The following CFAP61 variants were observed in gnomAD, a reference collection of about 807,000 sequenced individuals.
CFAP61 encodes the protein cilia- and flagella-associated protein 61.
Under a neutral mutation model 135.6 loss-of-function variants are expected in CFAP61, and 107 were observed. The ratio of observed to expected loss-of-function variants is 0.79; its 90% CI spans 0.67 to 0.93. The LOEUF (loss-of-function observed/expected upper bound fraction) is 0.93, where lower values mean the gene tolerates loss of function less well. Ranked by LOEUF, CFAP61 falls within the 40% of genes least tolerant of loss-of-function variation. The pLI is 0.00. For missense variants in CFAP61, 1,507 were observed against 1,556.2 expected (o/e 0.97, Z 0.53); for synonymous variants, 575 against 578.5 (o/e 0.99, Z 0.09).
At chr20:20,232,437 C>T (rs6046745) in intron 18 of CFAP61, among the ~76,000 whole-genome samples, 3,212 of 152,070 alleles carry the variant, frequency 0.021, 111 homozygotes, top group African/African-American at 0.072. Context: ...GTGTATGCAC[C>T]TCTCTTCTGT....
rs188228060 is a variant in CFAP61, at chr20:20,323,211, A to G, written c.3423-18620A>G. 12 of 984,936 alleles carry G rather than the reference A, an allele frequency of 1.2e-5. No individual in the cohort carries two copies. The East Asian group carries it at 1.1e-3, about 93-fold the overall frequency. The allele number at this position is 984,936 out of a possible 1,614,324, so 61.0% of individuals were successfully genotyped here. On this transcript the variant is annotated intron_variant, in intron 25 of 26. Transcript: ENST00000245957. Reference sequence around the variant, plus strand: ...GGGCCCCATGGAATAAACGGATCTCATTCAGCATGGGCATGAAAGGCACTG... The same window carrying G: ...GGGCCCCATGGAATAAACGGATCTCGTTCAGCATGGGCATGAAAGGCACTG...
In CFAP61 at chr20:20,227,429, G is replaced by A. The variant is rs1049289922; in HGVS notation, c.1933-820G>A. ...ACCAAAAAATGTGTGTTGAATCAAT[G>A]GATTAAAAATAGAACCAAGATCTTT... On this transcript the variant is annotated intron_variant, in intron 17 of 26. Coordinates refer to ENST00000245957, the MANE Select transcript of CFAP61 (RefSeq NM_015585.4). Among the ~76,000 whole-genome samples, 3 of 152,158 alleles carry A rather than the reference G, an allele frequency of 2.0e-5. 1 individual carries two copies. The highest frequency in any genetic ancestry group is 7.2e-5 in the African/African-American group (3 of 41,440).
intron 25 of CFAP61, among the ~76,000 whole-genome samples, chr20:20,302,219 A>C (rs1469835719): frequency 6.6e-6 from 1 of 152,176 alleles, no homozygotes; most frequent in African/African-American, 2.4e-5. Flanking sequence ...CTGTATTCTG[A>C]AAGTTTTGAA....
At chr20:20,062,914 C>T (rs2044918899) in intron 2 of CFAP61, among the ~76,000 whole-genome samples, 1 of 152,160 alleles carries the variant, frequency 6.6e-6, no homozygotes, top group Non-Finnish European at 1.5e-5. Flanking sequence ...AGAGTAACCT[C>T]CTGTCACTTC....
rs1481762228 is a variant in CFAP61 at position 20,298,137 on chromosome 20, G to A, written c.3217-44G>A. 3 of 1,376,974 alleles carry A rather than the reference G, an allele frequency of 2.2e-6. No homozygotes were observed. In the African/African-American group the frequency reaches 4.3e-5, roughly 20 times the overall value. 85.3% of individuals were successfully genotyped at this position (1,376,974 alleles called of 1,614,324 possible). A position where few individuals can be genotyped will look rare whatever the true frequency, so the allele number is the denominator to read the frequency against. On this transcript the variant is annotated intron_variant, in intron 24 of 26. Coordinates refer to ENST00000245957, the MANE Select transcript of CFAP61 (RefSeq NM_015585.4). ...CTATGATAAAGTTCCCAAAATCCAGGAATGTTTCTAATGTTGTTTTTCTTG... is the reference window on the plus strand; with the variant it reads ...CTATGATAAAGTTCCCAAAATCCAGAAATGTTTCTAATGTTGTTTTTCTTG...
intron 10 of CFAP61, among the ~76,000 whole-genome samples, chr20:20,163,716 C>G (rs2053590120): frequency 6.6e-6 from 1 of 151,984 alleles, no homozygotes; most frequent in Non-Finnish European, 1.5e-5. Context: ...AACCCGTCAT[C>G]TAGGTTTTAA....
At chr20:20,094,230 A>C (rs2047403256) in intron 7 of CFAP61, among the ~76,000 whole-genome samples, 1 of 152,176 alleles carries the variant, frequency 6.6e-6, no homozygotes, top group South Asian at 2.1e-4. Flanking sequence ...GGTTTCTCAA[A>C]GACCCGCTTT....
chr20:20,199,662 T>C (rs2056502608), intron 16 of CFAP61, 106 bp from the exon 17 acceptor site: 1 of 1,296,250 alleles, frequency 7.7e-7, no homozygotes, highest in South Asian at 1.5e-5. Flanking sequence ...TTTTCCTCTC[T>C]GACTTGGCCG....
At chr20:20,311,786 A>G (rs2056843380) in intron 25 of CFAP61, among the ~76,000 whole-genome samples, 1 of 152,182 alleles carries the variant, frequency 6.6e-6, no homozygotes, top group African/African-American at 2.4e-5. Flanking sequence ...ACTGCCCAAG[A>G]CAGGGGAAAG....
chr20:20,356,054 C>CTG (rs2059131452), intron 26 of CFAP61, among the ~76,000 whole-genome samples: 1 of 132,284 alleles, frequency 7.6e-6, no homozygotes, highest in African/African-American at 2.9e-5. Flanking sequence ...GGTGGTCACA[C>CTG]TGAGGGGAGG....
At position 20,288,731 on chromosome 20, in the gene CFAP61, C is replaced by G; in HGVS notation, c.2919C>G (p.Ala973=). 2.5e-6 allele frequency: 4 copies of G among 1,614,112 alleles called. No homozygotes were observed. Among genetic ancestry groups the G allele is most frequent in the Non-Finnish European group, 3.4e-6 (4 of 1,179,962 alleles). Residue 973 remains alanine, a synonymous_variant, in exon 23 of 27, where the codon GCC becomes GCG. Transcript: ENST00000245957. ...IDTNFHTNDI[A]IRAAGSLTKF... is the part of the protein sequence containing the mutation. ...CCAACTTCCACACCAACGACATAGC[C>G]ATCAGAGCTGCTGGCTCCCTCACCA...
chr20:20,155,203 G>A (rs989795573), intron 9 of CFAP61, among the ~76,000 whole-genome samples: 3 of 152,094 alleles, frequency 2.0e-5, no homozygotes, highest in African/African-American at 7.2e-5. Context: ...AAATAGTGCT[G>A]GGAAAACTGG....
chr20:20,067,769 G>A (rs13041167), intron 2 of CFAP61, among the ~76,000 whole-genome samples: 3 of 53,640 alleles, frequency 5.6e-5, no homozygotes, highest in Non-Finnish European at 1.9e-4. Context: ...TATTATATAT[G>A]TATTTATTAT....
At chr20:20,162,718 G>C (rs545618638) in intron 10 of CFAP61, among the ~76,000 whole-genome samples, 7 of 152,144 alleles carry the variant, frequency 4.6e-5, no homozygotes, top group Admixed American at 6.5e-5. Flanking sequence ...TATCTCAAAC[G>C]CCTGATCATT....
At chr20:20,193,399 A>C (rs995128741) in intron 15 of CFAP61, among the ~76,000 whole-genome samples, 1 of 152,100 alleles carries the variant, frequency 6.6e-6, no homozygotes, top group Admixed American at 6.5e-5. Context: ...CGAGATGTTC[A>C]CATGGCTTTA....
chr20:20,222,418 G>C (rs1001942515), intron 17 of CFAP61, among the ~76,000 whole-genome samples: 5 of 152,138 alleles, frequency 3.3e-5, no homozygotes, highest in Admixed American at 2.6e-4. Flanking sequence ...GCTCTATCCA[G>C]TGTTAAGAAA....
chr20:20,194,889 G>C (rs1349347797), intron 15 of CFAP61, among the ~76,000 whole-genome samples: 1 of 152,100 alleles, frequency 6.6e-6, no homozygotes, highest in Non-Finnish European at 1.5e-5. Context: ...AATAATTTTT[G>C]TTGTTGTTAT....
intron 8 of CFAP61, among the ~76,000 whole-genome samples, chr20:20,131,409 G>T (rs866355323): frequency 7.9e-5 from 12 of 151,964 alleles, no homozygotes; most frequent in Non-Finnish European, 1.5e-4. Flanking sequence ...ATTTTCAAAC[G>T]CATTAGGATA....
chr20:20,227,375 CT>C (rs2048813587), intron 17 of CFAP61, among the ~76,000 whole-genome samples: 1 of 152,216 alleles, frequency 6.6e-6, no homozygotes, highest in African/African-American at 2.4e-5. Context: ...CAGCTGTAAT[CT>C]TTGTCACTGT....
Sources: gnomAD v4.1 joint callset for allele counts (sites outside exome capture counted in the v4.1 genomes callset) on GRCh38, gnomAD v4.1.1 for gene constraint, MANE v1.5 for transcripts, NCBI Gene and HGNC (gene_info 2026-07-23, HGNC 2026-07-21) for gene names.